Variants in ALPK2 observed in about 807,000 individuals in gnomAD.
ALPK2 encodes the protein alpha-protein kinase 2.
A neutral mutation model predicts 163.1 loss-of-function variants in ALPK2; 127 were observed. The observed-to-expected ratio is 0.78, with a 90% confidence interval of 0.67 to 0.90. ALPK2 has a LOEUF of 0.90. Among genes scored for constraint, ALPK2 ranks in the 40% least tolerant of loss-of-function variants. ALPK2 has a pLI of 0.00. For synonymous variants in ALPK2, 953 were observed against 959.1 expected (o/e 0.99, Z 0.12); for missense variants, 2,360 against 2,589.6 (o/e 0.91, Z 1.92).
chr18:58,501,690 AG>A (rs569621271), intron 11 of ALPK2, among the ~76,000 whole-genome samples: 148 of 152,328 alleles, frequency 9.7e-4, no homozygotes, highest in African/African-American at 2.8e-3. Context: ...TTACTAGCTG[AG>A]TGACAGCAGA....
intron 3 of ALPK2, among the ~76,000 whole-genome samples, chr18:58,596,461 CAGG>C (rs1180338045): frequency 1.3e-5 from 2 of 152,204 alleles, no homozygotes; most frequent in African/African-American, 4.8e-5. Flanking sequence ...GCAGCTCCAA[CAGG>C]AGAAGAATCT....
At position 58,520,428 on chromosome 18, in the gene ALPK2, CAAAAAAAAAAAAA is replaced by C. The variant is rs61028795; in HGVS notation, c.5666-3259_5666-3247del. ...TGGGTGACAGAATGAGACTCCGTCT[CAAAAAAAAAAAAA>C]AAAAAAAAAAAAAGAATCAGGAGAG... is the stretch of plus-strand genomic sequence containing the variant. On this transcript the variant is annotated intron_variant, in intron 8 of 12. Transcript: ENST00000361673. 1.9e-3 allele frequency among the ~76,000 whole-genome samples: 125 copies of C among 64,394 alleles called. 3 individuals carry two copies. The highest frequency in any genetic ancestry group is 0.026 in the Middle Eastern group (1 of 38). The allele number at this position is 64,394 out of a possible 152,430, so 42.2% of individuals were successfully genotyped here. A position where few individuals can be genotyped will look rare whatever the true frequency, so the allele number is the denominator to read the frequency against.
chr18:58,503,653 C>G (rs767547941), intron 11 of ALPK2, among the ~76,000 whole-genome samples: 1 of 152,158 alleles, frequency 6.6e-6, no homozygotes, highest in Non-Finnish European at 1.5e-5. Flanking sequence ...AAGCTATGAT[C>G]GTGCCACTGT....
intron 3 of ALPK2, among the ~76,000 whole-genome samples, chr18:58,603,476 C>T (rs944453792): frequency 2.0e-5 from 3 of 152,232 alleles, no homozygotes; most frequent in Admixed American, 1.3e-4. Context: ...AGAGATGCTG[C>T]TTTGTCCCGC....
In ALPK2 at chr18:58,628,790, G is replaced by A. The variant is rs1002326580; in HGVS notation, c.-47C>T. On this transcript the variant is annotated 5_prime_UTR_variant, in exon 1 of 13. Coordinates refer to ENST00000361673, the MANE Select transcript of ALPK2 (RefSeq NM_052947.4). ...TTTCAGTACTCTTTGTCCAAGAAAT[G>A]TTGTAGGAGGGCTGGCTCAGCTGTG... 6.6e-6 allele frequency: 1 copy of A among 152,218 alleles called. No individual in the cohort carries two copies. The highest frequency in any genetic ancestry group is 2.4e-5 in the African/African-American group (1 of 41,454). 9.4% of individuals were successfully genotyped at this position (152,218 alleles called of 1,614,324 possible).
intron 4 of ALPK2, among the ~76,000 whole-genome samples, chr18:58,548,694 G>A (rs62096282): frequency 0.16 from 24,883 of 152,042 alleles, 2,429 homozygotes; most frequent in East Asian, 0.32. Flanking sequence ...AGGCAACAAC[G>A]ATTACCTGCT....
At chr18:58,590,231 A>C (rs1288194909) in intron 3 of ALPK2, among the ~76,000 whole-genome samples, 11 of 152,066 alleles carry the variant, frequency 7.2e-5, no homozygotes, top group Admixed American at 7.2e-4. Context: ...AAAAAAAAAA[A>C]AAAAAAAAAG....
At chr18:58,541,562 G>T (rs1193641095) in intron 4 of ALPK2, among the ~76,000 whole-genome samples, 3 of 152,180 alleles carry the variant, frequency 2.0e-5, no homozygotes, top group Admixed American at 6.5e-5. Flanking sequence ...AAAAAAATTG[G>T]TTGAATCCTT....
At chr18:58,627,014 T>C (rs1053501675) in intron 1 of ALPK2, among the ~76,000 whole-genome samples, 1 of 152,182 alleles carries the variant, frequency 6.6e-6, no homozygotes, top group African/African-American at 2.4e-5. Flanking sequence ...GTGAATACTG[T>C]TAAGATTTTA....
rs548698304 is a variant in ALPK2, at chr18:58,526,277, G to A, written c.5502-2215C>T. Among the ~76,000 whole-genome samples the A allele has an allele frequency of 1.4e-4, 21 of 152,268 alleles. 1 individual carries two copies. Among genetic ancestry groups the A allele is most frequent in the Non-Finnish European group, 2.8e-4 (19 of 68,026 alleles). The stretch of plus-strand genomic sequence containing the variant: ...AAGAGTGAAGTTGGCTGCAGGGAGA[G>A]GGTACTTAGCATGGGGACTTCTCTG... On this transcript the variant is annotated intron_variant, in intron 6 of 12. Transcript: ENST00000361673.
chr18:58,563,300 A>G (rs1016941267), intron 4 of ALPK2, among the ~76,000 whole-genome samples: 3 of 152,230 alleles, frequency 2.0e-5, no homozygotes, highest in Admixed American at 2.0e-4. Context: ...CGTCTCTTAA[A>G]GGATTTTTAA....
chr18:58,489,224 G>A (rs2051358294), intron 12 of ALPK2, among the ~76,000 whole-genome samples: 2 of 152,204 alleles, frequency 1.3e-5, no homozygotes, highest in Admixed American at 1.3e-4. Context: ...CAGAGCAGGT[G>A]TTCTGAGGGG....
At chr18:58,607,833 T>G (rs2052106620) in intron 2 of ALPK2, among the ~76,000 whole-genome samples, 1 of 152,242 alleles carries the variant, frequency 6.6e-6, no homozygotes, top group African/African-American at 2.4e-5. Flanking sequence ...TTTGTTTCAC[T>G]CAATGATAAC....
intron 1 of ALPK2, among the ~76,000 whole-genome samples, chr18:58,621,656 G>C (rs1022204366): frequency 1.3e-5 from 2 of 152,200 alleles, no homozygotes; most frequent in African/African-American, 4.8e-5. Flanking sequence ...ATATTGACTA[G>C]AAATACACGA....
At position 58,579,943 on chromosome 18, in the gene ALPK2, T is replaced by G. The variant is rs751789240; in HGVS notation, c.833A>C (p.Glu278Ala). 6.2e-7 allele frequency: 1 copy of G among 1,614,192 alleles called. No homozygotes were observed. The highest frequency in any genetic ancestry group is 1.1e-5 in the South Asian group (1 of 91,084). ...ACCTGGGTAAATGTGTGCAGTTGCC[T>G]CAGATAGCGGGAGGCTGAAGCTAAT... ...KYISFSLPLS[E>A]ATAHIYPGDS... Residue 278 changes from glutamate to alanine, a missense_variant, in exon 4 of 13, where the codon GAG (glutamate) becomes GCG (alanine). Coordinates refer to ENST00000361673, the MANE Select transcript of ALPK2 (RefSeq NM_052947.4).
chr18:58,525,933 T>C (rs1207135526), intron 6 of ALPK2, among the ~76,000 whole-genome samples: 1 of 144,738 alleles, frequency 6.9e-6, no homozygotes, highest in Non-Finnish European at 1.5e-5. Context: ...GTATCTGCTC[T>C]GTGCTTAGTA....
intron 3 of ALPK2, among the ~76,000 whole-genome samples, chr18:58,591,602 G>A (rs1001010017): frequency 6.6e-6 from 1 of 152,148 alleles, no homozygotes; most frequent in African/African-American, 2.4e-5. Context: ...AGGAAATACA[G>A]GGTAGGATTT....
intron 4 of ALPK2, among the ~76,000 whole-genome samples, chr18:58,545,483 G>C (rs1318564287): frequency 6.6e-6 from 1 of 152,202 alleles, no homozygotes; most frequent in African/African-American, 2.4e-5. Context: ...AAAATGCCAA[G>C]GGATCAAAGG....
rs200533766 is a variant in ALPK2, at chr18:58,579,407, C to A, written c.1369G>T (p.Ala457Ser). 4.8e-4 allele frequency: 776 copies of A among 1,614,052 alleles called. 2 individuals are homozygous for A. The highest frequency in any genetic ancestry group is 3.1e-4 in the Non-Finnish European group (361 of 1,180,030). ...GRYKLPTAPEAAENDYPGIQG... is the reference protein window; with the variant it reads ...GRYKLPTAPESAENDYPGIQG... ...ATTCCTGGATAATCATTTTCAGCAG[C>A]CTCGGGAGCAGTGGGGAGTTTATAT... Residue 457 changes from alanine to serine, a missense_variant, in exon 4 of 13, where the codon GCT (alanine) becomes TCT (serine). Transcript: ENST00000361673.
Sources: gnomAD v4.1 joint callset for allele counts (sites outside exome capture counted in the v4.1 genomes callset) on GRCh38, gnomAD v4.1.1 for gene constraint, MANE v1.5 for transcripts, NCBI Gene and HGNC (gene_info 2026-07-23, HGNC 2026-07-21) for gene names.